The following GABRA5 variants were observed in gnomAD, a reference collection of about 807,000 sequenced individuals.
GABRA5 encodes gamma-aminobutyric acid receptor subunit alpha-5.
Under a neutral mutation model 47.3 loss-of-function variants are expected in GABRA5, and 18 were observed. The ratio of observed to expected loss-of-function variants is 0.38; its 90% CI spans 0.26 to 0.56. The LOEUF is 0.56. Ranked by LOEUF, GABRA5 falls within the 20% of genes least tolerant of loss-of-function variation. GABRA5 has a pLI of 0.71. For missense variants in GABRA5, 365 were observed against 599.3 expected, an observed-to-expected ratio of 0.61 and a Z score of 4.08; for synonymous variants, 237 against 229.3, an observed-to-expected ratio of 1.03 and a Z score of -0.30.
intron 6 of GABRA5, among the ~76,000 whole-genome samples, chr15:26,905,395 T>C (rs1020914884): frequency 3.9e-5 from 6 of 152,098 alleles, no homozygotes; most frequent in Non-Finnish European, 7.4e-5. Context: ...CATAAGTTTC[T>C]TCTCTCTTGC....
At chr15:26,933,448 C>A (rs1199815874) in intron 7 of GABRA5, among the ~76,000 whole-genome samples, 3 of 152,208 alleles carry the variant, frequency 2.0e-5, no homozygotes, top group Admixed American at 2.0e-4. Flanking sequence ...TGAGAGATTT[C>A]TTCCTAAACA....
chr15:26,882,872 A>T (rs1328657036), intron 4 of GABRA5, among the ~76,000 whole-genome samples: 1 of 151,400 alleles, frequency 6.6e-6, no homozygotes, highest in East Asian at 1.9e-4. Flanking sequence ...TGTTTGCAAA[A>T]CCCCAAGGCC....
At chr15:26,900,505 G>C (rs961400705) in intron 6 of GABRA5, among the ~76,000 whole-genome samples, 1 of 152,104 alleles carries the variant, frequency 6.6e-6, no homozygotes, top group South Asian at 2.1e-4. Context: ...TTATAGCAAC[G>C]AACTCCCTCA....
intron 10 of GABRA5, among the ~76,000 whole-genome samples, chr15:26,947,527 G>A (rs1378807391): frequency 2.0e-5 from 3 of 152,138 alleles, no homozygotes. Context: ...GCAAAAGACA[G>A]GATCTCATTC....
intron 3 of GABRA5, among the ~76,000 whole-genome samples, chr15:26,878,879 G>T (rs1303694493): frequency 6.6e-6 from 1 of 152,200 alleles, no homozygotes; most frequent in African/African-American, 2.4e-5. Context: ...GGGATTCAGA[G>T]CCCAGTGGGA....
intron 6 of GABRA5, among the ~76,000 whole-genome samples, chr15:26,907,900 C>T (rs1358126551): frequency 2.0e-5 from 3 of 152,164 alleles, no homozygotes; most frequent in Non-Finnish European, 4.4e-5. Context: ...GTGATACTGA[C>T]TGCATATAAT....
At chr15:26,911,428 C>A (rs1381781576) in intron 6 of GABRA5, among the ~76,000 whole-genome samples, 1 of 151,040 alleles carries the variant, frequency 6.6e-6, no homozygotes, top group African/African-American at 2.4e-5. Context: ...ATGCTAAAAG[C>A]CAGCTCCTTG....
At chr15:26,915,173 C>A (rs111880348) in intron 7 of GABRA5, among the ~76,000 whole-genome samples, 1 of 152,156 alleles carries the variant, frequency 6.6e-6, no homozygotes, top group African/African-American at 2.4e-5. Flanking sequence ...AGATCTCAAC[C>A]GGGCAGTTCT....
rs1278866340 is a variant in GABRA5, at chr15:26,939,962, A to C, written c.762A>C (p.Lys254Asn). ...YTIMTAHFHL[K>N]RKIGYFVIQT... is the part of the protein sequence containing the mutation. ...TCATGACAGCTCACTTCCACCTGAA[A>C]AGGAAGATTGGCTACTTTGTCATCC... Residue 254 changes from lysine to asparagine, a missense_variant, in exon 9 of 11, where the codon AAA becomes AAC. Transcript: ENST00000335625. 1 of 1,613,870 alleles carries C rather than the reference A, an allele frequency of 6.2e-7. No homozygotes were observed. Among genetic ancestry groups the C allele is most frequent in the African/African-American group, 1.3e-5 (1 of 74,914 alleles).
chr15:26,931,568 A>C (rs1200156995), intron 7 of GABRA5, among the ~76,000 whole-genome samples: 2 of 152,314 alleles, frequency 1.3e-5, no homozygotes, highest in South Asian at 2.1e-4. Flanking sequence ...AGCATTCAGC[A>C]CTCAGCTAGG....
Position 26,883,607 on chromosome 15 carries a change from C to T in GABRA5, c.497+50C>T, listed in dbSNP as rs1409153542. 2 of 1,382,148 alleles carry T rather than the reference C, an allele frequency of 1.4e-6. No homozygotes were observed. Among genetic ancestry groups the T allele is most frequent in the African/African-American group, 1.5e-5 (1 of 68,872 alleles). The allele number at this position is 1,382,148 out of a possible 1,614,324, so 85.6% of individuals were successfully genotyped here. On this transcript the variant is annotated intron_variant, in intron 6 of 10. Transcript: ENST00000335625. The surrounding 1 kb of genome is among the most constrained non-coding windows in gnomAD (Gnocchi z 4.8). ...GGGCCGGGGGACGGTGCGGGGCAGG[C>T]GCGGCTGCCCATCCTGCCGCAAGAG...
intron 6 of GABRA5, among the ~76,000 whole-genome samples, chr15:26,898,744 T>TC (rs1197514132): frequency 6.9e-6 from 1 of 144,084 alleles, no homozygotes; most frequent in African/African-American, 2.6e-5. Flanking sequence ...TTTTTTTTTT[T>TC]CTAATGTGTA....
At chr15:26,942,323 T>C (rs1390021615) in intron 9 of GABRA5, among the ~76,000 whole-genome samples, 1 of 152,162 alleles carries the variant, frequency 6.6e-6, no homozygotes, top group Admixed American at 6.5e-5. Flanking sequence ...GGCTGTGTGG[T>C]CACTGCAAAG....
Position 26,880,937 on chromosome 15 carries a change from T to C in GABRA5, c.178T>C (p.Tyr60His). ...GATCTTGGATGGGCTCTTGGATGGC[T>C]ACGACAACAGACTTCGGCCCGGGCT... is the stretch of plus-strand genomic sequence containing the variant. ...TRILDGLLDG[Y>H]DNRLRPGLGE... Residue 60 changes from tyrosine to histidine, a missense_variant, in exon 4 of 11, where the codon TAC becomes CAC. Around this residue, in one of 3 missense-constraint regions of GABRA5, gnomAD observed 216 missense variants for 335.3 expected, o/e 0.64. Transcript: ENST00000335625. The C allele has an allele frequency of 6.2e-7, 1 of 1,614,006 alleles. No homozygotes were observed. The highest frequency in any genetic ancestry group is 8.5e-7 in the Non-Finnish European group (1 of 1,179,874).
chr15:26,873,876 G>A (rs1892529592), intron 3 of GABRA5, among the ~76,000 whole-genome samples: 2 of 152,222 alleles, frequency 1.3e-5, no homozygotes, highest in African/African-American at 4.8e-5. Context: ...GGCAGTTCTT[G>A]CACGTGGCAA....
chr15:26,897,052 T>C (rs1893214118), intron 6 of GABRA5, among the ~76,000 whole-genome samples: 1 of 151,356 alleles, frequency 6.6e-6, no homozygotes, highest in Admixed American at 6.6e-5. Context: ...TCTCTAGATG[T>C]AAACACATTT....
chr15:26,927,576 C>T (rs1595428431), intron 7 of GABRA5, among the ~76,000 whole-genome samples: 1 of 152,168 alleles, frequency 6.6e-6, no homozygotes, highest in East Asian at 1.9e-4. Context: ...GTACACACTT[C>T]ACCTTTCCTC....
intron 6 of GABRA5, among the ~76,000 whole-genome samples, chr15:26,902,790 A>T (rs994668570): frequency 4.6e-5 from 7 of 152,066 alleles, no homozygotes; most frequent in Non-Finnish European, 8.8e-5. Flanking sequence ...GTAGATTTTT[A>T]AAAAATCAAG....
At chr15:26,945,945 C>T (rs941895079) in intron 10 of GABRA5, among the ~76,000 whole-genome samples, 1 of 152,092 alleles carries the variant, frequency 6.6e-6, no homozygotes, top group Non-Finnish European at 1.5e-5. Flanking sequence ...CAGTAACTCA[C>T]ATGTATGGAT....
Sources: allele counts gnomAD v4.1 joint callset (sites outside exome capture counted in the v4.1 genomes callset), GRCh38; gene constraint gnomAD v4.1.1; regional missense constraint gnomAD v4.1.1; non-coding constraint Gnocchi (gnomAD v3.1); transcripts MANE v1.5; gene names NCBI Gene and HGNC (gene_info 2026-07-23, HGNC 2026-07-21).